RCBTB1: variants seen among roughly 807,000 people sequenced by gnomAD.
RCBTB1 encodes RCC1 and BTB domain-containing protein 1.
In RCBTB1, 46 loss-of-function variants were observed where a neutral mutation model predicts 62.4. The observed-to-expected ratio is 0.74, with a 90% CI of 0.58 to 0.94. The LOEUF (loss-of-function observed/expected upper bound fraction) is 0.94, where lower values mean the gene tolerates loss of function less well. Among genes scored for constraint, RCBTB1 ranks in the 40% least tolerant of loss-of-function variants. The pLI is 0.00. For missense variants in RCBTB1, 565 were observed against 654.9 expected (o/e 0.86, Z 1.50); for synonymous variants, 222 against 245.8 (o/e 0.90, Z 0.91).
chr13:49,572,450 C>T (rs1963469194), intron 2 of RCBTB1, among the ~76,000 whole-genome samples: 3 of 152,084 alleles, frequency 2.0e-5, no homozygotes. Flanking sequence ...CAGACTTATT[C>T]TAACTATGGA....
At position 49,533,271 on chromosome 13, in the gene RCBTB1, A is replaced by G. The variant is rs952635516; in HGVS notation, c.*851T>C. ...CTATACATGTCATTATTTTCCTCTTAAGTTTGCATTTATAGAAGAAGGTGG... is the reference window on the plus strand; with the variant it reads ...CTATACATGTCATTATTTTCCTCTTGAGTTTGCATTTATAGAAGAAGGTGG... On this transcript the variant is annotated 3_prime_UTR_variant, in exon 13 of 13. Transcript: ENST00000378302. 2.6e-5 allele frequency: 4 copies of G among 152,184 alleles called. No homozygotes were observed. The highest frequency in any genetic ancestry group is 5.9e-5 in the Non-Finnish European group (4 of 68,026). 9.4% of individuals were successfully genotyped at this position (152,184 alleles called of 1,614,324 possible). A position where few individuals can be genotyped will look rare whatever the true frequency, so the allele number is the denominator to read the frequency against.
At chr13:49,547,498 T>C (rs1960902117) in intron 9 of RCBTB1, among the ~76,000 whole-genome samples, 1 of 152,118 alleles carries the variant, frequency 6.6e-6, no homozygotes, top group Admixed American at 6.5e-5. Flanking sequence ...AGAAATATGC[T>C]AGCAAAAAGG....
rs1024092981 is a variant in RCBTB1 at position 49,576,043 on chromosome 13, C to T, written c.-42+4462G>A. On this transcript the variant is annotated intron_variant, in intron 2 of 12. Transcript: ENST00000378302. ...CTACTAAAAATACGAAAAAATTAGC[C>T]GGGTGTGGTGGCGGGCACCAGTAGT... 6.6e-5 allele frequency among the ~76,000 whole-genome samples: 10 copies of T among 151,676 alleles called. 1 individual carries two copies. The highest frequency in any genetic ancestry group is 2.6e-4 in the Admixed American group (4 of 15,206).
At chr13:49,575,240 A>C (rs1321859676) in intron 2 of RCBTB1, among the ~76,000 whole-genome samples, 1 of 152,220 alleles carries the variant, frequency 6.6e-6, no homozygotes, top group Non-Finnish European at 1.5e-5. Flanking sequence ...CCATTATCAA[A>C]AAGTCAAAAA....
At chr13:49,540,501 G>C (rs1028140592) in intron 12 of RCBTB1, among the ~76,000 whole-genome samples, 1 of 152,188 alleles carries the variant, frequency 6.6e-6, no homozygotes, top group African/African-American at 2.4e-5. Context: ...GCTTATGACA[G>C]GGCAGAGGTG....
Position 49,583,003 on chromosome 13 carries a change from C to T in RCBTB1, c.-121-2419G>A, listed in dbSNP as rs1011395441. ...ACCAGCCTGGGCAACATAGGGAGACCCTGTCTCTACAAAAAATAAAAAAAT... is the reference window on the plus strand; with the variant it reads ...ACCAGCCTGGGCAACATAGGGAGACTCTGTCTCTACAAAAAATAAAAAAAT... On this transcript the variant is annotated intron_variant, in intron 1 of 12. Coordinates refer to ENST00000378302, the MANE Select transcript of RCBTB1 (RefSeq NM_018191.4). Among the ~76,000 whole-genome samples the T allele has an allele frequency of 5.3e-5, 8 of 151,978 alleles. No homozygotes were observed. In the East Asian group the frequency reaches 1.5e-3, roughly 29 times the overall value.
At chr13:49,567,130 A>G in intron 3 of RCBTB1, 24 bp downstream of exon 3, 1 of 1,612,200 alleles carries the variant, frequency 6.2e-7, no homozygotes, top group Non-Finnish European at 8.5e-7. Context: ...CCTAAAACGA[A>G]ACTAGGTTTC....
At position 49,566,434 on chromosome 13, in the gene RCBTB1, T is replaced by A. The variant is rs144640629; in HGVS notation, c.277+184A>T. Among the ~76,000 whole-genome samples the A allele has an allele frequency of 2.5e-3, 379 of 152,306 alleles. 2 individuals are homozygous for A. The highest frequency in any genetic ancestry group is 8.7e-3 in the African/African-American group (363 of 41,572). The stretch of plus-strand genomic sequence containing the variant: ...AGAAGTTTGCCTAATTTGCAAGACA[T>A]CCTATAGCTTTTCCAGAGTTAGCCC... On this transcript the variant is annotated intron_variant, in intron 4 of 12. Transcript: ENST00000378302.
chr13:49,541,003 A>C lies in RCBTB1; in HGVS notation c.1328T>G (p.Leu443Arg). The change falls in exon 12 of 13, where the codon CTT (leucine) becomes CGT (arginine). Residue 443 changes from leucine to arginine, a missense_variant. Leu to Arg is a moderately radical substitution (Grantham distance 102, BLOSUM62 -2). Coordinates refer to ENST00000378302, the MANE Select transcript of RCBTB1 (RefSeq NM_018191.4). ...VDLPPEDAIG[L>R]LDLATSYCEN... ...ACAGTAAGATGTCGCCAAATCCAGAAGACCTAAAAGTAAAATATGTGAAAG... is the reference window on the plus strand; with the variant it reads ...ACAGTAAGATGTCGCCAAATCCAGACGACCTAAAAGTAAAATATGTGAAAG... 6.2e-7 allele frequency: 1 copy of C among 1,610,738 alleles called. No homozygotes were observed. The highest frequency in any genetic ancestry group is 8.5e-7 in the Non-Finnish European group (1 of 1,179,590).
At chr13:49,584,500 T>C (rs1018432260) in intron 1 of RCBTB1, among the ~76,000 whole-genome samples, 2 of 152,218 alleles carry the variant, frequency 1.3e-5, no homozygotes, top group Non-Finnish European at 2.9e-5. Context: ...TCACTTGAAA[T>C]GAGTACTCTA....
rs9562900 is a variant in RCBTB1 at position 49,567,226 on chromosome 13, G to A, written c.54C>T (p.Ile18=). 282,884 of 1,613,444 alleles carry A rather than the reference G, an allele frequency of 0.18. 29,780 individuals are homozygous for A. The highest frequency in any genetic ancestry group is 0.44 in the African/African-American group (33,314 of 74,924). ...PIFTLLSPQE[I]ASIRKACVFG... is the part of the protein sequence containing the mutation. ...AGACACACGCCTTCCGAATAGACGC[G>A]ATCTCTTGAGGGGAGAGTAGAGTGA... The change falls in exon 3 of 13, where the codon ATC becomes ATT. Residue 18 remains isoleucine (I), a synonymous_variant. Transcript: ENST00000378302.
chr13:49,533,912 A>C lies in RCBTB1; in HGVS notation c.*210T>G. On this transcript the variant is annotated 3_prime_UTR_variant, in exon 13 of 13. Transcript: ENST00000378302. ...TTACGAAAGGTCACATTTAAAATAC[A>C]CTTATCTGGAAACAAGGGTTGTTTA... The C allele has an allele frequency of 2.2e-6, 1 of 449,912 alleles. No individual in the cohort carries two copies. The highest frequency in any genetic ancestry group is 3.9e-6 in the Non-Finnish European group (1 of 255,810). 27.9% of individuals were successfully genotyped at this position (449,912 alleles called of 1,614,324 possible).
chr13:49,552,101 TA>T (rs1961413144), intron 7 of RCBTB1, 76 bp downstream of exon 7: 1 of 909,322 alleles, frequency 1.1e-6, no homozygotes, highest in East Asian at 2.6e-5. Context: ...GACTGAAGAG[TA>T]AACCTCCAAT....
chr13:49,534,438 CA>C (rs2139104669), intron 12 of RCBTB1, among the ~76,000 whole-genome samples, 176 bp from the exon 13 acceptor site: 1 of 152,216 alleles, frequency 6.6e-6, no homozygotes, highest in Admixed American at 6.5e-5. Flanking sequence ...GAGAAAAACA[CA>C]TACTATTTAT....
At position 49,544,639 on chromosome 13, in the gene RCBTB1, C is replaced by A. The variant is rs1175153582; in HGVS notation, c.1172+98G>T. Reference sequence around the variant, plus strand: ...AAAAATATTAAGTAGTGACATTTCTCTCTACTACCAAGGCTATTTTTTATC... The same window carrying A: ...AAAAATATTAAGTAGTGACATTTCTATCTACTACCAAGGCTATTTTTTATC... On this transcript the variant is annotated intron_variant, in intron 10 of 12. Coordinates refer to ENST00000378302, the MANE Select transcript of RCBTB1 (RefSeq NM_018191.4). The A allele has an allele frequency of 1.5e-5, 15 of 975,872 alleles. No individual in the cohort carries two copies. In the African/African-American group the frequency reaches 1.8e-4, roughly 12 times the overall value. 60.5% of individuals were successfully genotyped at this position (975,872 alleles called of 1,614,324 possible).
intron 9 of RCBTB1, among the ~76,000 whole-genome samples, chr13:49,547,323 A>G (rs1044233389): frequency 1.3e-5 from 2 of 152,036 alleles, no homozygotes; most frequent in African/African-American, 4.8e-5. Context: ...AATTGGGACA[A>G]CTCCACCTGT....
At chr13:49,538,275 G>A (rs770802678) in intron 12 of RCBTB1, among the ~76,000 whole-genome samples, 1 of 152,158 alleles carries the variant, frequency 6.6e-6, no homozygotes, top group African/African-American at 2.4e-5. Flanking sequence ...ATACAGGCAT[G>A]AGCCACTGTG....
At position 49,551,312 on chromosome 13, in the gene RCBTB1, C is replaced by T; in HGVS notation, c.854+14G>A. The T allele has an allele frequency of 6.2e-7, 1 of 1,613,298 alleles. No homozygotes were observed. Among genetic ancestry groups the T allele is most frequent in the Non-Finnish European group, 8.5e-7 (1 of 1,179,502 alleles). On this transcript the variant is annotated intron_variant, in intron 8 of 12. Transcript: ENST00000378302. Reference sequence around the variant, plus strand: ...TCGCACACACAGTCCCAAGACGTGGCACAGCCAAGTTACCTTTCTTTCTCC... The same window carrying T: ...TCGCACACACAGTCCCAAGACGTGGTACAGCCAAGTTACCTTTCTTTCTCC...
At chr13:49,548,807 G>A (rs1193221189) in intron 9 of RCBTB1, among the ~76,000 whole-genome samples, 2 of 150,824 alleles carry the variant, frequency 1.3e-5, no homozygotes, top group African/African-American at 4.9e-5. Flanking sequence ...AGAGGAGAAT[G>A]GAGTGTGACT....
Sources: allele counts gnomAD v4.1 joint callset (sites outside exome capture counted in the v4.1 genomes callset), GRCh38; gene constraint gnomAD v4.1.1; transcripts MANE v1.5; gene names NCBI Gene and HGNC (gene_info 2026-07-23, HGNC 2026-07-21).